TOX: variants seen among roughly 807,000 people sequenced by gnomAD.
TOX encodes the protein thymocyte selection associated high mobility group box.
In TOX, 11 loss-of-function variants were observed where a neutral mutation model predicts 53.7. The ratio of observed to expected loss-of-function variants is 0.20; its 90% CI spans 0.13 to 0.34. The LOEUF is 0.34. Among genes scored for constraint, TOX ranks in the 10% least tolerant of loss-of-function variants. The probability of loss-of-function intolerance (pLI) is 1.00; values close to 1 mark genes in which losing one functional copy is unlikely to be tolerated. For missense variants in TOX, 570 were observed against 664.6 expected, an observed-to-expected ratio of 0.86 and a Z score of 1.56; for synonymous variants, 225 against 245.3, an observed-to-expected ratio of 0.92 and a Z score of 0.77.
chr8:59,055,320 T>G (rs779527862), intron 1 of TOX, among the ~76,000 whole-genome samples: 1 of 152,180 alleles, frequency 6.6e-6, no homozygotes, highest in Non-Finnish European at 1.5e-5. Context: ...CAAGGAGGGC[T>G]TTTCTCTACC....
chr8:58,887,201 T>G (rs1585880810), intron 3 of TOX, among the ~76,000 whole-genome samples: 1 of 151,976 alleles, frequency 6.6e-6, no homozygotes, highest in South Asian at 2.1e-4. Flanking sequence ...TTCTAATTTT[T>G]GTTTTTTCAT....
chr8:59,096,838 C>T (rs138643839), intron 1 of TOX, among the ~76,000 whole-genome samples: 154 of 152,148 alleles, frequency 1.0e-3, no homozygotes, highest in Non-Finnish European at 1.7e-3. Flanking sequence ...CTGTTCTTTC[C>T]GATTCTGTAA....
chr8:58,980,014 C>G (rs1005881218), intron 1 of TOX, among the ~76,000 whole-genome samples: 2 of 152,132 alleles, frequency 1.3e-5, no homozygotes, highest in Admixed American at 1.3e-4. Context: ...TGAAAATGTT[C>G]TAAAAATGGA....
chr8:58,829,347 T>G (rs1260173995), intron 5 of TOX, among the ~76,000 whole-genome samples: 4 of 152,192 alleles, frequency 2.6e-5, no homozygotes, highest in Admixed American at 2.6e-4. Flanking sequence ...CTGACTAGCA[T>G]GCAGAGTCCC....
chr8:59,009,937 T>A (rs1813869730), intron 1 of TOX, among the ~76,000 whole-genome samples: 1 of 152,206 alleles, frequency 6.6e-6, no homozygotes. Context: ...CAGCTGGAAG[T>A]AACCTGAAAT....
intron 3 of TOX, among the ~76,000 whole-genome samples, chr8:58,891,249 G>C (rs1811556281): frequency 1.3e-5 from 2 of 151,854 alleles, no homozygotes; most frequent in South Asian, 4.2e-4. Flanking sequence ...CAAAGCAAGA[G>C]ACAAAATATT....
At chr8:59,081,847 A>G (rs747160849) in intron 1 of TOX, among the ~76,000 whole-genome samples, 1 of 152,228 alleles carries the variant, frequency 6.6e-6, no homozygotes, top group South Asian at 2.1e-4. Flanking sequence ...TGATTGAAAA[A>G]AAATCGAATA....
At chr8:59,096,669 T>A (rs1023303594) in intron 1 of TOX, among the ~76,000 whole-genome samples, 1 of 152,144 alleles carries the variant, frequency 6.6e-6, no homozygotes, top group African/African-American at 2.4e-5. Flanking sequence ...ATGAAAAAGA[T>A]CACTAGAGGC....
intron 3 of TOX, among the ~76,000 whole-genome samples, chr8:58,908,098 A>C (rs1248253204): frequency 1.3e-5 from 2 of 152,088 alleles, no homozygotes; most frequent in Non-Finnish European, 2.9e-5. Flanking sequence ...TGCCTTTCCC[A>C]GAGCCCCCGC....
At chr8:59,005,988 T>C (rs1813784685) in intron 1 of TOX, among the ~76,000 whole-genome samples, 1 of 152,234 alleles carries the variant, frequency 6.6e-6, no homozygotes, top group Admixed American at 6.5e-5. Flanking sequence ...TTGGCTGCTG[T>C]CCATGCCTCA....
chr8:58,905,213 G>A (rs542549123), intron 3 of TOX, among the ~76,000 whole-genome samples: 163 of 152,308 alleles, frequency 1.1e-3, no homozygotes, highest in Non-Finnish European at 1.7e-3. Context: ...TTACAGGTGT[G>A]AGCCACCGTG....
At chr8:59,008,815 G>A (rs1813842175) in intron 1 of TOX, among the ~76,000 whole-genome samples, 1 of 152,172 alleles carries the variant, frequency 6.6e-6, no homozygotes, top group Non-Finnish European at 1.5e-5. Flanking sequence ...CCTCAGAGAT[G>A]GCCACCAGTA....
intron 3 of TOX, among the ~76,000 whole-genome samples, chr8:58,906,224 A>G (rs1811812470): frequency 6.6e-6 from 1 of 152,218 alleles, no homozygotes; most frequent in Non-Finnish European, 1.5e-5. Flanking sequence ...TATAAGGGCC[A>G]CAAGTCGAGA....
At position 58,878,217 on chromosome 8, in the gene TOX, AAG is replaced by A. The variant is rs200961897; in HGVS notation, c.412-26414_412-26413del. 9.9e-4 allele frequency among the ~76,000 whole-genome samples: 144 copies of A among 144,874 alleles called. 1 individual carries two copies. The highest frequency in any genetic ancestry group is 3.4e-3 in the African/African-American group (132 of 38,504). On this transcript the variant is annotated intron_variant, in intron 3 of 8. Transcript: ENST00000361421. ...TAGGTGGTATTTGGAAAAAAAAAAA[AAG>A]AGAGAGAATCTAAAAACTCCTTTGC... is the stretch of plus-strand genomic sequence containing the variant.
intron 7 of TOX, among the ~76,000 whole-genome samples, chr8:58,813,710 G>A (rs186136398): frequency 1.8e-4 from 27 of 152,322 alleles, no homozygotes; most frequent in Middle Eastern, 6.8e-3. Context: ...GTTGGATGCA[G>A]ATAAGAAAAT....
intron 1 of TOX, among the ~76,000 whole-genome samples, chr8:59,093,054 C>T (rs1052605758): frequency 1.3e-5 from 2 of 152,298 alleles, no homozygotes; most frequent in East Asian, 1.9e-4. Context: ...GAATATGAGG[C>T]TATATCTGAA....
intron 3 of TOX, among the ~76,000 whole-genome samples, chr8:58,914,856 G>A (rs1353780909): frequency 2.6e-5 from 4 of 151,866 alleles, no homozygotes; most frequent in East Asian, 2.0e-4. Flanking sequence ...CACCGTGCGC[G>A]AGCCGAAGCA....
intron 3 of TOX, among the ~76,000 whole-genome samples, chr8:58,932,924 G>A (rs1262302677): frequency 7.9e-5 from 12 of 151,970 alleles, no homozygotes; most frequent in African/African-American, 2.2e-4. Context: ...GCTTTTGTTC[G>A]CTGGAAAAAG....
intron 1 of TOX, among the ~76,000 whole-genome samples, chr8:59,066,872 A>G (rs1480068805): frequency 6.6e-6 from 1 of 152,234 alleles, no homozygotes; most frequent in Non-Finnish European, 1.5e-5. Context: ...AAAGCTCATT[A>G]TGACTAAAAT....
Sources: allele counts gnomAD v4.1 joint callset (sites outside exome capture counted in the v4.1 genomes callset), GRCh38; gene constraint gnomAD v4.1.1; transcripts MANE v1.5; gene names NCBI Gene and HGNC (gene_info 2026-07-23, HGNC 2026-07-21).